STAB1: variants seen among roughly 807,000 people sequenced by gnomAD.
STAB1 encodes stabilin-1.
A neutral mutation model predicts 332.4 loss-of-function variants in STAB1; 250 were observed. The ratio of observed to expected loss-of-function variants is 0.75; its 90% CI spans 0.68 to 0.84. The LOEUF (loss-of-function observed/expected upper bound fraction) is 0.84. Among genes scored for constraint, STAB1 ranks in the 40% least tolerant of loss-of-function variants. STAB1 has a pLI of 0.00. For missense variants in STAB1, 3,249 were observed against 3,489.7 expected, an observed-to-expected ratio of 0.93 and a Z score of 1.74; for synonymous variants, 1,475 against 1,390.4, an observed-to-expected ratio of 1.06 and a Z score of -1.35.
Position 52,501,110 on chromosome 3 carries a change from G to C in STAB1, c.79-56G>C. 1.9e-6 allele frequency: 3 copies of C among 1,591,006 alleles called. No individual in the cohort carries two copies. The South Asian group carries it at 3.4e-5, about 18-fold the overall frequency. ...TGAGCCCTTGCAGCACTGAGGACAGGGTCAGGACTGGGCGTGGGGTCCAGG... is the reference window on the plus strand; with the variant it reads ...TGAGCCCTTGCAGCACTGAGGACAGCGTCAGGACTGGGCGTGGGGTCCAGG... On this transcript the variant is annotated intron_variant, in intron 1 of 68. Transcript: ENST00000321725.
rs1284472303 is a variant in STAB1 at position 52,519,298 on chromosome 3, T to C, written c.5069T>C (p.Val1690Ala). 1 of 1,612,868 alleles carries C rather than the reference T, an allele frequency of 6.2e-7. No homozygotes were observed. Among genetic ancestry groups the C allele is most frequent in the African/African-American group, 1.3e-5 (1 of 74,912 alleles). ...TACCTCAATGACTTCGCGCGCGTGG[T>C]GAGCAGCGACCATGAGGCCGTGAAC... The part of the protein sequence containing the change: ...SIYLNDFARV[V>A]SSDHEAVNGI... The change falls in exon 49 of 69, where the codon GTG becomes GCG. Residue 1690 changes from valine to alanine, a missense_variant. Transcript: ENST00000321725.
intron 2 of STAB1, 129 bp from the exon 3 acceptor site, chr3:52,501,509 C>A: frequency 9.1e-7 from 1 of 1,104,130 alleles, no homozygotes; most frequent in Non-Finnish European, 1.3e-6. Flanking sequence ...ATGTGCTAGG[C>A]CCTGTGCTCA....
chr3:52,514,141 G>C lies in STAB1; in HGVS notation c.3474G>C (p.Glu1158Asp). ...LQHHGLVPQI[E>D]AATAYTIFVP... ...ACCATGGGTTGGTGCCCCAGATTGA[G>C]GCTGCCACTGCCTACACCATCTTTG... The change falls in exon 33 of 69, where the codon GAG (glutamate) becomes GAC (aspartate). Residue 1158 changes from glutamate (E) to aspartate (D), a missense_variant. Transcript: ENST00000321725. 1 of 1,613,374 alleles carries C rather than the reference G, an allele frequency of 6.2e-7. No individual in the cohort carries two copies. Among genetic ancestry groups the C allele is most frequent in the Non-Finnish European group, 8.5e-7 (1 of 1,179,980 alleles).
At position 52,520,110 on chromosome 3, in the gene STAB1, G is replaced by C; in HGVS notation, c.5402G>C (p.Arg1801Pro). 6.2e-7 allele frequency: 1 copy of C among 1,608,416 alleles called. No individual in the cohort carries two copies. The highest frequency in any genetic ancestry group is 8.5e-7 in the Non-Finnish European group (1 of 1,176,244). Residue 1801 changes from arginine (R) to proline (P), a missense_variant, in exon 51 of 69, where the codon CGC (arginine) becomes CCC (proline). Physicochemically the swap from Arg to Pro is moderately radical, Grantham distance 103. Coordinates refer to ENST00000321725, the MANE Select transcript of STAB1 (RefSeq NM_015136.3). Reference protein sequence around the residue: ...LAAILRGHMIRNVEALASDLP... With the variant: ...LAAILRGHMIPNVEALASDLP... ...GCCATTCTGCGGGGCCACATGATTC[G>C]CAATGTCGAGGTGGGTGCAGCCCCC...
rs767661486 is a variant in STAB1 at position 52,508,280 on chromosome 3, G to C, written c.2156G>C (p.Gly719Ala). ...CTGTTCTGTCTCTTATAGGAACAAG[G>C]CTGCTGCAAAGGTTTTTTCGGGCCT... ...SYCNQTIMEQGCCKGFFGPDC... is the reference protein window; with the variant it reads ...SYCNQTIMEQACCKGFFGPDC... Residue 719 changes from glycine (G) to alanine (A), a missense_variant, in exon 21 of 69, where the codon GGC (glycine) becomes GCC (alanine). Physicochemically the swap from Gly to Ala is moderately conservative, Grantham distance 60. Transcript: ENST00000321725. The C allele has an allele frequency of 1.2e-6, 2 of 1,612,832 alleles. No homozygotes were observed. Among genetic ancestry groups the C allele is most frequent in the South Asian group, 1.1e-5 (1 of 91,026 alleles).
At position 52,518,622 on chromosome 3, in the gene STAB1, C is replaced by A. The variant is rs1190033317; in HGVS notation, c.4887+9C>A. 1 of 1,608,446 alleles carries A rather than the reference C, an allele frequency of 6.2e-7. No homozygotes were observed. The highest frequency in any genetic ancestry group is 8.5e-7 in the Non-Finnish European group (1 of 1,177,998). On this transcript the variant is annotated intron_variant, in intron 47 of 68. Transcript: ENST00000321725. ...TGAGCAACCTGTCGCAGGTATGCAG[C>A]CCCCAGAGCGAGGCTGGGCAGGGCT...
In STAB1 at chr3:52,502,684, C is replaced by T; in HGVS notation, c.540C>T (p.Ser180=). Residue 180 remains serine (S), a synonymous_variant, in exon 6 of 69, where the codon AGC becomes AGT. Coordinates refer to ENST00000321725, the MANE Select transcript of STAB1 (RefSeq NM_015136.3). ...ACCATGGGCCACGTGGGGATGGAAG[C>T]TGCCTGTGCTTTGCTGGATACACTG... The part of the protein sequence containing the change: ...VCNHGPRGDG[S]CLCFAGYTGP... 1 of 1,613,894 alleles carries T rather than the reference C, an allele frequency of 6.2e-7. No homozygotes were observed. Among genetic ancestry groups the T allele is most frequent in the Non-Finnish European group, 8.5e-7 (1 of 1,179,948 alleles).
In STAB1 at chr3:52,517,017, GCTCCCCT is replaced by G; in HGVS notation, c.4399_4405del (p.Ser1467MetfsTer122). 1 of 1,608,776 alleles carries G rather than the reference GCTCCCCT, an allele frequency of 6.2e-7. No homozygotes were observed. The highest frequency in any genetic ancestry group is 8.5e-7 in the Non-Finnish European group (1 of 1,178,068). On this transcript the variant is annotated frameshift_variant, in exon 42 of 69. Transcript: ENST00000321725. LOFTEE classifies it high-confidence loss of function. ...CCCTGCGCCCACGGCCATGGGGGCT[GCTCCCCT>G]CATGCCAACTGTACCAAGGTGGCAC... is the stretch of plus-strand genomic sequence containing the variant.
chr3:52,509,366 C>G (rs1709122693), intron 22 of STAB1, 45 bp downstream of exon 22: 1 of 1,573,112 alleles, frequency 6.4e-7, no homozygotes, highest in Non-Finnish European at 8.7e-7. Flanking sequence ...GAAAAAACGT[C>G]TGCCTAAAGA....
At position 52,517,404 on chromosome 3, in the gene STAB1, C is replaced by A; in HGVS notation, c.4563+11C>A. ...ACTGGCCCCCAGCAGGTCAGCATGG[C>A]AGGGTTGGACATGGGGCATCATGCC... On this transcript the variant is annotated intron_variant, in intron 43 of 68. Coordinates refer to ENST00000321725, the MANE Select transcript of STAB1 (RefSeq NM_015136.3). 2 of 1,595,130 alleles carry A rather than the reference C, an allele frequency of 1.3e-6. No homozygotes were observed. The highest frequency in any genetic ancestry group is 1.7e-5 in the Admixed American group (1 of 57,164).
intron 1 of STAB1, among the ~76,000 whole-genome samples, chr3:52,498,718 C>A (rs778482162): frequency 1.3e-5 from 2 of 152,268 alleles, no homozygotes; most frequent in Non-Finnish European, 2.9e-5. Flanking sequence ...ATGGTGACCG[C>A]GCTGGCAGCT....
Position 52,521,010 on chromosome 3 carries a change from G to A in STAB1, c.5908+5G>A. ...ACTATGGCAGTGAGTGCCAAGGTGA[G>A]CATTGCAGACACTGTTGACTAGCTC... On this transcript the variant is annotated splice_donor_5th_base_variant and intron_variant, in intron 55 of 68. Coordinates refer to ENST00000321725, the MANE Select transcript of STAB1 (RefSeq NM_015136.3). The A allele has an allele frequency of 6.5e-7, 1 of 1,533,128 alleles. No homozygotes were observed. Among genetic ancestry groups the A allele is most frequent in the Non-Finnish European group, 8.8e-7 (1 of 1,142,026 alleles). 95.0% of individuals were successfully genotyped at this position (1,533,128 alleles called of 1,614,324 possible). A position where few individuals can be genotyped will look rare whatever the true frequency, so the allele number is the denominator to read the frequency against.
intron 61 of STAB1, 29 bp downstream of exon 61, chr3:52,522,717 G>A: frequency 6.2e-7 from 1 of 1,612,862 alleles, no homozygotes; most frequent in African/African-American, 1.3e-5. Flanking sequence ...TTGGGGCCAA[G>A]TGTTGGGGGA....
Position 52,524,287 on chromosome 3 carries a change from C to T in STAB1, c.7657-13C>T. 6.2e-7 allele frequency: 1 copy of T among 1,613,912 alleles called. No individual in the cohort carries two copies. Among genetic ancestry groups the T allele is most frequent in the Non-Finnish European group, 8.5e-7 (1 of 1,179,960 alleles). ...CCTGGTCACACCCTCCACCACCAAC[C>T]CTGCTCTTCTAGGACTCACTGCTGG... On this transcript the variant is annotated splice_polypyrimidine_tract_variant and intron_variant, in intron 68 of 68. Coordinates refer to ENST00000321725, the MANE Select transcript of STAB1 (RefSeq NM_015136.3).
Position 52,517,550 on chromosome 3 carries a change from G to C in STAB1, c.4564G>C (p.Val1522Leu), listed in dbSNP as rs150956780. 5,668 of 1,612,634 alleles carry C rather than the reference G, an allele frequency of 3.5e-3. 13 individuals carry two copies. Among genetic ancestry groups the C allele is most frequent in the Non-Finnish European group, 4.4e-3 (5,235 of 1,179,794 alleles). Residue 1522 changes from valine to leucine, a missense_variant and splice_region_variant, in exon 44 of 69, where the codon GTC (valine) becomes CTC (leucine). Physicochemically the swap from Val to Leu is conservative, Grantham distance 32. Coordinates refer to ENST00000321725, the MANE Select transcript of STAB1 (RefSeq NM_015136.3). ...CCCCACTGATCAAGACTGGGGACAGGTCTCCTGCAGCTGCCGTGAGGGTTA... is the reference window on the plus strand; with the variant it reads ...CCCCACTGATCAAGACTGGGGACAGCTCTCCTGCAGCTGCCGTGAGGGTTA... ...AECIPTGPQQ[V>L]SCSCREGYSG...
At chr3:52,517,694 C>T in intron 44 of STAB1, 70 bp downstream of exon 44, 2 of 1,582,790 alleles carry the variant, frequency 1.3e-6, no homozygotes, top group Non-Finnish European at 8.6e-7. Context: ...ACCAGCCCTT[C>T]TCACCTCCAG....
chr3:52,514,063 T>C, intron 32 of STAB1, 52 bp from the exon 33 acceptor site: 1 of 1,604,670 alleles, frequency 6.2e-7, no homozygotes, highest in Non-Finnish European at 8.5e-7. Flanking sequence ...TGGCTCCCAG[T>C]GTCAGGACTG....
chr3:52,507,604 C>G lies in STAB1; in HGVS notation c.1990-9C>G, dbSNP rs370643894. On this transcript the variant is annotated splice_polypyrimidine_tract_variant and intron_variant, in intron 18 of 68. Coordinates refer to ENST00000321725, the MANE Select transcript of STAB1 (RefSeq NM_015136.3). The stretch of plus-strand genomic sequence containing the variant: ...ACCCCTCTCCCCATCCTGCCCCTGC[C>G]CTGCCCAGGGCTCCTGTGTGGACTG... 6.2e-6 allele frequency: 10 copies of G among 1,613,016 alleles called. No homozygotes were observed. The highest frequency in any genetic ancestry group is 7.6e-6 in the Non-Finnish European group (9 of 1,179,528).
intron 50 of STAB1, 79 bp downstream of exon 50, chr3:52,519,643 T>C: frequency 6.3e-7 from 1 of 1,574,944 alleles, no homozygotes; most frequent in South Asian, 1.1e-5. Flanking sequence ...CGTACCTGTG[T>C]GTGCATACCC....
Sources: gnomAD v4.1 joint callset for allele counts (sites outside exome capture counted in the v4.1 genomes callset) on GRCh38, gnomAD v4.1.1 for gene constraint, MANE v1.5 for transcripts, NCBI Gene and HGNC (gene_info 2026-07-23, HGNC 2026-07-21) for gene names.